The following TNRC6B variants were observed in gnomAD, a reference collection of about 807,000 sequenced individuals.
TNRC6B encodes the protein trinucleotide repeat-containing gene 6B protein.
TNRC6B carries 52 observed loss-of-function variants against 203.6 expected under a neutral mutation model. The ratio of observed to expected loss-of-function variants is 0.26; its 90% confidence interval spans 0.20 to 0.32. TNRC6B has a LOEUF of 0.32. TNRC6B is among the 10% of genes least tolerant of loss of function. The pLI is 1.00. For missense variants in TNRC6B, 1,923 were observed against 2,286.2 expected (o/e 0.84, Z 3.24); for synonymous variants, 838 against 845.7 (o/e 0.99, Z 0.16).
chr22:40,318,069 A>G (rs1489283620), intron 21 of TNRC6B, among the ~76,000 whole-genome samples: 1 of 152,194 alleles, frequency 6.6e-6, no homozygotes, highest in East Asian at 1.9e-4. Flanking sequence ...TTAATACGCT[A>G]ACACATATTA....
intron 1 of TNRC6B, among the ~76,000 whole-genome samples, chr22:40,068,783 C>T (rs138086286): frequency 9.2e-4 from 140 of 151,910 alleles, no homozygotes; most frequent in Admixed American, 2.6e-3. Flanking sequence ...GAGGTCTCGC[C>T]GTGTTGCCCA....
At position 40,315,473 on chromosome 22, in the gene TNRC6B, G is replaced by C. The variant is rs1213825485; in HGVS notation, c.4869G>C (p.Arg1623Ser). The C allele has an allele frequency of 4.3e-6, 7 of 1,614,024 alleles. No individual in the cohort carries two copies. The highest frequency in any genetic ancestry group is 5.1e-6 in the Non-Finnish European group (6 of 1,179,894). Residue 1623 changes from arginine to serine, a missense_variant, in exon 20 of 23, where the codon AGG becomes AGC. Transcript: ENST00000454349. ...GCAGCACAGCACCCCGATCAGTCAG[G>C]GGGTGGGGGACACAGGACTCACGGC... The part of the protein sequence containing the change: ...PWSSTAPRSV[R>S]GWGTQDSRLA...
rs61743331 is a variant in TNRC6B at position 40,265,059 on chromosome 22, A to T, written c.829A>T (p.Asn277Tyr). The T allele has an allele frequency of 1.9e-6, 3 of 1,613,998 alleles. No individual in the cohort carries two copies. Among genetic ancestry groups the T allele is most frequent in the Non-Finnish European group, 2.5e-6 (3 of 1,179,890 alleles). The stretch of plus-strand genomic sequence containing the variant: ...TCAATCTTCCAACTCTACTACAGAG[A>T]ACAACAATGGACTAGGAAATTGGAG... ...SVQSSNSTTE[N>Y]NNGLGNWRNV... is the part of the protein sequence containing the mutation. The change falls in exon 5 of 23, where the codon AAC becomes TAC. Residue 277 changes from asparagine (N) to tyrosine (Y), a missense_variant. Physicochemically the swap from Asn to Tyr is moderately radical, Grantham distance 143 (BLOSUM62 -2). This residue lies in a region of TNRC6B where 614 missense variants were observed against 587.7 expected (regional missense o/e 1.04). Coordinates refer to ENST00000454349, the MANE Select transcript of TNRC6B (RefSeq NM_001162501.2).
intron 1 of TNRC6B, among the ~76,000 whole-genome samples, chr22:40,111,297 G>A (rs2068332546): frequency 7.3e-6 from 1 of 136,418 alleles, no homozygotes; most frequent in Admixed American, 6.9e-5. Flanking sequence ...CAGGGACCGG[G>A]GTGAGCAGGG....
chr22:40,320,484 C>CT, intron 21 of TNRC6B, among the ~76,000 whole-genome samples: 1 of 152,066 alleles, frequency 6.6e-6, no homozygotes, highest in South Asian at 2.1e-4. Context: ...TGTCTCAAAA[C>CT]TAAATAAGTA....
At chr22:40,072,304 C>T (rs552327202) in intron 1 of TNRC6B, among the ~76,000 whole-genome samples, 1 of 152,264 alleles carries the variant, frequency 6.6e-6, no homozygotes, top group East Asian at 1.9e-4. Flanking sequence ...GGAGCGCTTA[C>T]TTAAGAAACG....
intron 1 of TNRC6B, among the ~76,000 whole-genome samples, chr22:40,110,585 A>T (rs2068323800): frequency 6.6e-6 from 1 of 152,238 alleles, no homozygotes; most frequent in Non-Finnish European, 1.5e-5. Flanking sequence ...GCTGGAGGGC[A>T]TAAATTAGTT....
chr22:40,286,803 C>A (rs890856551), intron 12 of TNRC6B, among the ~76,000 whole-genome samples: 3 of 152,142 alleles, frequency 2.0e-5, no homozygotes, highest in African/African-American at 7.2e-5. Flanking sequence ...TTTCCCTGTT[C>A]CCCTTTGTGA....
chr22:40,317,369 A>G (rs550142642), intron 21 of TNRC6B, among the ~76,000 whole-genome samples: 1 of 152,254 alleles, frequency 6.6e-6, no homozygotes, highest in South Asian at 2.1e-4. Context: ...CACGAGGTCA[A>G]GAGGTCGAGA....
intron 1 of TNRC6B, among the ~76,000 whole-genome samples, chr22:40,049,528 T>C (rs569438032): frequency 6.6e-6 from 1 of 152,350 alleles, no homozygotes; most frequent in South Asian, 2.1e-4. Flanking sequence ...GTCACCTCTG[T>C]ATATGCTAGC....
intron 22 of TNRC6B, 94 bp downstream of exon 22, chr22:40,321,323 C>T (rs1052056030): frequency 6.8e-5 from 98 of 1,431,478 alleles, no homozygotes; most frequent in Non-Finnish European, 8.8e-5. Flanking sequence ...TGCACCAGAA[C>T]ATATACGAAG....
chr22:40,045,862 A>G (rs916067545), intron 1 of TNRC6B, among the ~76,000 whole-genome samples: 5 of 152,234 alleles, frequency 3.3e-5, no homozygotes, highest in Non-Finnish European at 7.3e-5. Flanking sequence ...TTTGGAATTC[A>G]GGTTACCAGC....
chr22:40,184,857 C>T (rs372694665), intron 1 of TNRC6B, among the ~76,000 whole-genome samples: 4 of 152,166 alleles, frequency 2.6e-5, no homozygotes, highest in East Asian at 1.9e-4. Context: ...TTAGATGAGG[C>T]ACAGGTGTGG....
chr22:40,167,900 G>A (rs1372708881), intron 4 of TNRC6B, among the ~76,000 whole-genome samples: 1 of 151,826 alleles, frequency 6.6e-6, no homozygotes, highest in African/African-American at 2.4e-5. Context: ...CAAAAAATAC[G>A]GGATAATTGG....
intron 3 of TNRC6B, among the ~76,000 whole-genome samples, chr22:40,134,864 T>A (rs2068585001): frequency 6.6e-6 from 1 of 152,232 alleles, no homozygotes; most frequent in Non-Finnish European, 1.5e-5. Flanking sequence ...AATAAAGTTT[T>A]CATATATTTT....
Position 40,265,831 on chromosome 22 carries a change from G to A in TNRC6B, c.1601G>A (p.Ser534Asn). The A allele has an allele frequency of 4.3e-6, 7 of 1,614,012 alleles. No individual in the cohort carries two copies. Among genetic ancestry groups the A allele is most frequent in the Non-Finnish European group, 5.9e-6 (7 of 1,179,896 alleles). ...EWSGPNQPNS[S>N]TGAWDNQKGH... The stretch of plus-strand genomic sequence containing the variant: ...AGTGGTCCAAACCAACCAAATTCTA[G>A]CACTGGAGCATGGGACAATCAAAAG... The change falls in exon 5 of 23, where the codon AGC (serine) becomes AAC (asparagine). Residue 534 changes from serine (S) to asparagine (N), a missense_variant. Transcript: ENST00000454349.
At chr22:40,136,884 G>A (rs1568994472) in intron 3 of TNRC6B, among the ~76,000 whole-genome samples, 3 of 152,124 alleles carry the variant, frequency 2.0e-5, no homozygotes, top group Admixed American at 2.0e-4. Flanking sequence ...AAGGCAGCAA[G>A]TAAACGTAGT....
At chr22:40,189,728 A>C (rs144321743) in intron 1 of TNRC6B, among the ~76,000 whole-genome samples, 44 of 152,318 alleles carry the variant, frequency 2.9e-4, no homozygotes, top group Admixed American at 2.1e-3. Context: ...GGTCTTAAGC[A>C]AACTGGAATT....
intron 1 of TNRC6B, among the ~76,000 whole-genome samples, chr22:40,202,620 G>A (rs892620041): frequency 1.3e-5 from 2 of 152,016 alleles, no homozygotes; most frequent in African/African-American, 4.8e-5. Flanking sequence ...GAAATACATA[G>A]CCCACAGTGT....
Sources: gnomAD v4.1 joint callset for allele counts (sites outside exome capture counted in the v4.1 genomes callset) on GRCh38, gnomAD v4.1.1 for gene constraint, gnomAD v4.1.1 regional missense constraint, MANE v1.5 for transcripts, NCBI Gene and HGNC (gene_info 2026-07-23, HGNC 2026-07-21) for gene names.